Variants in TMEM132D observed in about 807,000 individuals in gnomAD.
TMEM132D encodes the protein mature OL transmembrane protein.
TMEM132D carries 21 observed loss-of-function variants against 62.3 expected under a neutral mutation model. The ratio of observed to expected loss-of-function variants is 0.34; its 90% CI spans 0.24 to 0.49. TMEM132D has a LOEUF of 0.49. Ranked by LOEUF, TMEM132D falls within the 20% of genes least tolerant of loss-of-function variation. The pLI is 0.99. For missense variants in TMEM132D, 1,346 were observed against 1,402.8 expected, an observed-to-expected ratio of 0.96 and a Z score of 0.65; for synonymous variants, 621 against 575.6, an observed-to-expected ratio of 1.08 and a Z score of -1.13.
At chr12:129,207,366 A>ACCGCCCTCATGGAGTTTAG (rs1363431517) in intron 5 of TMEM132D, among the ~76,000 whole-genome samples, 1 of 152,234 alleles carries the variant, frequency 6.6e-6, no homozygotes, top group African/African-American at 2.4e-5. Flanking sequence ...TGAATACAAC[A>ACCGCCCTCATGGAGTTTAG]AACAAAAATA....
chr12:129,075,013 G>C lies in TMEM132D; in HGVS notation c.2162C>G (p.Thr721Arg), dbSNP rs756460483. The C allele has an allele frequency of 6.2e-7, 1 of 1,612,776 alleles. No individual in the cohort carries two copies. Among genetic ancestry groups the C allele is most frequent in the South Asian group, 1.1e-5 (1 of 91,078 alleles). Reference sequence around the variant, plus strand: ...TTTCCCATCGTAAATATCCAAGGGCGTGACTGAGCCATCACTGAACTGGAC... The same window carrying C: ...TTTCCCATCGTAAATATCCAAGGGCCTGACTGAGCCATCACTGAACTGGAC... ...CWVQFSDGSV[T>R]PLDIYDGKDF... Residue 721 changes from threonine to arginine, a missense_variant, in exon 9 of 9, where the codon ACG becomes AGG. Transcript: ENST00000422113.
intron 4 of TMEM132D, among the ~76,000 whole-genome samples, 193 bp downstream of exon 4, chr12:129,337,441 G>GCACACACACA (rs34583805): frequency 0.053 from 7,896 of 148,170 alleles, 315 homozygotes; most frequent in South Asian, 0.12. Context: ...ATACACACAC[G>GCACACACACA]CACACACACA....
At chr12:129,448,599 T>C (rs1873177179) in intron 3 of TMEM132D, among the ~76,000 whole-genome samples, 1 of 152,238 alleles carries the variant, frequency 6.6e-6, no homozygotes, top group African/African-American at 2.4e-5. Context: ...CGCATATACA[T>C]GCCACATTTT....
chr12:129,888,543 C>T (rs1243045335), intron 1 of TMEM132D, among the ~76,000 whole-genome samples: 1 of 151,954 alleles, frequency 6.6e-6, no homozygotes, highest in Non-Finnish European at 1.5e-5. Flanking sequence ...ACTAAAAATA[C>T]AATAAAAAAA....
At chr12:129,585,552 C>G (rs758711304) in intron 2 of TMEM132D, among the ~76,000 whole-genome samples, 1 of 152,186 alleles carries the variant, frequency 6.6e-6, no homozygotes, top group South Asian at 2.1e-4. Context: ...ATGTAAGGAG[C>G]TGTCTCAAAT....
chr12:129,632,394 A>T (rs1176750339), intron 2 of TMEM132D, among the ~76,000 whole-genome samples: 1 of 152,212 alleles, frequency 6.6e-6, no homozygotes, highest in Non-Finnish European at 1.5e-5. Context: ...TATTATACTC[A>T]GTTCTGATGA....
At chr12:129,127,114 C>T (rs1019485381) in intron 5 of TMEM132D, among the ~76,000 whole-genome samples, 2 of 152,230 alleles carry the variant, frequency 1.3e-5, no homozygotes, top group Non-Finnish European at 2.9e-5. Flanking sequence ...CGGGATTCAT[C>T]AACGGATTGA....
At chr12:129,366,192 C>T (rs1305111815) in intron 3 of TMEM132D, among the ~76,000 whole-genome samples, 1 of 152,036 alleles carries the variant, frequency 6.6e-6, no homozygotes, top group African/African-American at 2.4e-5. Context: ...TAGGGAAAAG[C>T]CCTGTGTTAT....
chr12:129,828,872 C>A (rs2137332074), intron 1 of TMEM132D, among the ~76,000 whole-genome samples: 1 of 146,192 alleles, frequency 6.8e-6, no homozygotes, highest in Non-Finnish European at 1.5e-5. Flanking sequence ...AAAAATTATT[C>A]CAAGAGAGAA....
intron 1 of TMEM132D, among the ~76,000 whole-genome samples, chr12:129,750,619 T>C (rs1162268185): frequency 4.6e-5 from 7 of 152,156 alleles, no homozygotes; most frequent in Non-Finnish European, 5.9e-5. Context: ...GTCATGGTTA[T>C]GGAATTGTCT....
At chr12:129,636,794 A>G (rs1250490500) in intron 2 of TMEM132D, among the ~76,000 whole-genome samples, 2 of 151,104 alleles carry the variant, frequency 1.3e-5, no homozygotes, top group Non-Finnish European at 2.9e-5. Context: ...TTTGGTTCAA[A>G]AGACTGGTAT....
At chr12:129,248,203 G>A (rs1017976560) in intron 4 of TMEM132D, among the ~76,000 whole-genome samples, 4 of 152,120 alleles carry the variant, frequency 2.6e-5, no homozygotes, top group Non-Finnish European at 4.4e-5. Flanking sequence ...AGAAAATAGC[G>A]TTTGTTCACT....
intron 5 of TMEM132D, among the ~76,000 whole-genome samples, chr12:129,168,606 G>T (rs1242007517): frequency 6.6e-6 from 1 of 152,110 alleles, no homozygotes; most frequent in East Asian, 1.9e-4. Context: ...AGCTGTGATG[G>T]ACCCTCAAGT....
chr12:129,213,798 G>T (rs751199247), intron 4 of TMEM132D, among the ~76,000 whole-genome samples: 1 of 152,150 alleles, frequency 6.6e-6, no homozygotes, highest in African/African-American at 2.4e-5. Flanking sequence ...TCACTCCCAT[G>T]ACCCAAATAC....
intron 4 of TMEM132D, among the ~76,000 whole-genome samples, chr12:129,331,041 G>A (rs1869086316): frequency 6.6e-6 from 1 of 152,112 alleles, no homozygotes; most frequent in Admixed American, 6.5e-5. Context: ...GAAAACATGG[G>A]TGCACAGAGT....
chr12:129,793,775 C>G (rs1453472743), intron 1 of TMEM132D, among the ~76,000 whole-genome samples: 1 of 152,204 alleles, frequency 6.6e-6, no homozygotes, highest in Non-Finnish European at 1.5e-5. Context: ...ACCCTTCTCA[C>G]CCTTCTCCAA....
chr12:129,395,902 T>C (rs1012762665), intron 3 of TMEM132D, among the ~76,000 whole-genome samples: 1 of 139,334 alleles, frequency 7.2e-6, no homozygotes, highest in Non-Finnish European at 1.5e-5. Context: ...ATTTATAATA[T>C]ACTATATAAT....
chr12:129,531,022 GC>G, intron 3 of TMEM132D, 36 bp downstream of exon 3: 1 of 1,501,226 alleles, frequency 6.7e-7, no homozygotes, highest in Non-Finnish European at 9.0e-7. Context: ...CACATTTGCA[GC>G]TGATCTGAAT....
chr12:129,130,430 C>T (rs2135524732), intron 5 of TMEM132D, among the ~76,000 whole-genome samples: 1 of 152,284 alleles, frequency 6.6e-6, no homozygotes, highest in Admixed American at 6.5e-5. Flanking sequence ...CTGCCCCTCC[C>T]TTCTGCTGTG....
Sources: gnomAD v4.1 joint callset for allele counts (sites outside exome capture counted in the v4.1 genomes callset) on GRCh38, gnomAD v4.1.1 for gene constraint, MANE v1.5 for transcripts, NCBI Gene and HGNC (gene_info 2026-07-23, HGNC 2026-07-21) for gene names.